Variants in PTPRD observed in about 807,000 individuals in gnomAD.
The protein encoded by PTPRD is receptor-type tyrosine-protein phosphatase delta.
In PTPRD, 34 loss-of-function variants were observed where a neutral mutation model predicts 214.5. The ratio of observed to expected loss-of-function variants is 0.16; its 90% CI spans 0.12 to 0.21. PTPRD has a LOEUF of 0.21. Ranked by LOEUF, PTPRD falls within the 10% of genes least tolerant of loss-of-function variation. PTPRD has a pLI of 1.00. For missense variants in PTPRD, 2,545 were observed against 2,398.7 expected, an observed-to-expected ratio of 1.06 and a Z score of -1.27; for synonymous variants, 1,128 against 845.7, an observed-to-expected ratio of 1.33 and a Z score of -5.79.
intron 39 of PTPRD, among the ~76,000 whole-genome samples, chr9:8,365,478 T>A (rs2079586908): frequency 6.6e-6 from 1 of 152,106 alleles, no homozygotes; most frequent in Non-Finnish European, 1.5e-5. Flanking sequence ...AACCCTGTAT[T>A]TTGGGGTCAG....
chr9:9,898,011 G>C (rs941218272), intron 5 of PTPRD, among the ~76,000 whole-genome samples: 1 of 152,012 alleles, frequency 6.6e-6, no homozygotes, highest in Non-Finnish European at 1.5e-5. Context: ...AAAACAGGTG[G>C]CTTTGGTGCA....
chr9:9,426,133 G>T (rs908683959), intron 8 of PTPRD, among the ~76,000 whole-genome samples: 1 of 152,202 alleles, frequency 6.6e-6, no homozygotes, highest in Non-Finnish European at 1.5e-5. Context: ...GGAAGCACAA[G>T]GGGTTGGGGA....
rs1005955397 is a variant in PTPRD at position 10,261,437 on chromosome 9, T to C, written c.-545+79526A>G. Reference sequence around the variant, plus strand: ...GAAATTAGGACATTAAAATCAGACATAGATACAGACAAAGAAAGATACATT... The same window carrying C: ...GAAATTAGGACATTAAAATCAGACACAGATACAGACAAAGAAAGATACATT... On this transcript the variant is annotated intron_variant, in intron 3 of 45. Coordinates refer to ENST00000381196, the MANE Select transcript of PTPRD (RefSeq NM_002839.4). Among the ~76,000 whole-genome samples, 5 of 152,142 alleles carry C rather than the reference T, an allele frequency of 3.3e-5. No individual in the cohort carries two copies. In the South Asian group the frequency reaches 6.2e-4, roughly 19 times the overall value.
At chr9:9,315,833 C>CTTTTTTTTTTTT (rs566821610) in intron 9 of PTPRD, among the ~76,000 whole-genome samples, 3 of 93,314 alleles carry the variant, frequency 3.2e-5, no homozygotes, top group East Asian at 3.1e-4. Context: ...TAGCAGACAA[C>CTTTTTTTTTTTT]TTTTTTTTTT....
chr9:9,144,142 T>C (rs984935172), intron 10 of PTPRD, among the ~76,000 whole-genome samples: 1 of 152,184 alleles, frequency 6.6e-6, no homozygotes, highest in Non-Finnish European at 1.5e-5. Flanking sequence ...AAAAGTTAAA[T>C]AAAGTGAAGT....
chr9:10,189,255 A>G (rs1044433435), intron 3 of PTPRD, among the ~76,000 whole-genome samples: 2 of 152,132 alleles, frequency 1.3e-5, no homozygotes, highest in African/African-American at 4.8e-5. Context: ...CCCTGCTGCC[A>G]CTTTTAGGGT....
At position 9,016,842 on chromosome 9, in the gene PTPRD, G is replaced by A. The variant is rs72692853; in HGVS notation, c.-104+1855C>T. ...AATGACAACTTGCTCAAATACCGTA[G>A]CAATCCTGTCACTAGGCAGTATTCT... On this transcript the variant is annotated intron_variant, in intron 11 of 45. Transcript: ENST00000381196. Among the ~76,000 whole-genome samples the A allele has an allele frequency of 4.6e-3, 693 of 152,190 alleles. 2 individuals carry two copies. Among genetic ancestry groups the A allele is most frequent in the Middle Eastern group, 0.014 (4 of 294 alleles).
intron 11 of PTPRD, among the ~76,000 whole-genome samples, chr9:8,824,564 A>G (rs1229186149): frequency 1.3e-5 from 2 of 151,010 alleles, no homozygotes; most frequent in East Asian, 1.9e-4. Context: ...TACAAAGAGT[A>G]TAACAGTAAT....
chr9:10,594,568 C>T (rs533235688), intron 2 of PTPRD, among the ~76,000 whole-genome samples: 1 of 152,080 alleles, frequency 6.6e-6, no homozygotes, highest in Non-Finnish European at 1.5e-5. Context: ...TGCTACATTT[C>T]TCAAACAACC....
intron 12 of PTPRD, among the ~76,000 whole-genome samples, chr9:8,667,471 T>C (rs1271015751): frequency 2.6e-5 from 4 of 152,208 alleles, no homozygotes; most frequent in South Asian, 2.1e-4. Context: ...TCCAAAATGT[T>C]TCAAAATCCA....
chr9:9,087,940 G>T lies in PTPRD; in HGVS notation c.-142-69205C>A, dbSNP rs113657204. ...CTCACTCTGTTGCCTAGGCTAGAGTGCAGTGGCATTAGCTCACTGAAACCT... is the reference window on the plus strand; with the variant it reads ...CTCACTCTGTTGCCTAGGCTAGAGTTCAGTGGCATTAGCTCACTGAAACCT... On this transcript the variant is annotated intron_variant, in intron 10 of 45. Coordinates refer to ENST00000381196, the MANE Select transcript of PTPRD (RefSeq NM_002839.4). 3.8e-3 allele frequency among the ~76,000 whole-genome samples: 470 copies of T among 122,928 alleles called. 2 individuals carry two copies. The highest frequency in any genetic ancestry group is 0.014 in the African/African-American group (442 of 31,566). 80.6% of individuals were successfully genotyped at this position (122,928 alleles called of 152,430 possible).
chr9:8,776,791 T>TTA (rs1169035904), intron 11 of PTPRD, among the ~76,000 whole-genome samples: 3 of 147,570 alleles, frequency 2.0e-5, no homozygotes, highest in Non-Finnish European at 3.0e-5. Flanking sequence ...AAAATATGTA[T>TTA]TATATATATA....
At chr9:8,671,490 A>G (rs1275787300) in intron 12 of PTPRD, among the ~76,000 whole-genome samples, 1 of 152,190 alleles carries the variant, frequency 6.6e-6, no homozygotes, top group Non-Finnish European at 1.5e-5. Context: ...CTGTAAGTAT[A>G]CTTTTAAAAC....
intron 5 of PTPRD, among the ~76,000 whole-genome samples, chr9:9,790,789 T>C (rs1353958943): frequency 6.6e-6 from 1 of 152,192 alleles, no homozygotes; most frequent in Non-Finnish European, 1.5e-5. Flanking sequence ...ACTTGTAATG[T>C]GTTTCAGTAG....
chr9:9,365,467 T>C (rs149960252), intron 9 of PTPRD, among the ~76,000 whole-genome samples: 39 of 151,694 alleles, frequency 2.6e-4, no homozygotes, highest in Middle Eastern at 6.8e-3. Context: ...GTTTAACTCA[T>C]GAATTCCCTA....
chr9:8,374,689 A>C (rs1450748654), intron 39 of PTPRD, among the ~76,000 whole-genome samples: 1 of 152,000 alleles, frequency 6.6e-6, no homozygotes. Context: ...AAACAAAATA[A>C]AGCATAGGGG....
chr9:10,578,341 C>A (rs1056886239), intron 2 of PTPRD, among the ~76,000 whole-genome samples: 1 of 151,986 alleles, frequency 6.6e-6, no homozygotes. Flanking sequence ...TATACAGAAC[C>A]AGTAAAATTC....
chr9:9,438,769 T>G (rs1569568337), intron 8 of PTPRD, among the ~76,000 whole-genome samples: 1 of 152,186 alleles, frequency 6.6e-6, no homozygotes, highest in Non-Finnish European at 1.5e-5. Flanking sequence ...AGCATCAACA[T>G]TCTAGTGTTA....
At chr9:8,824,506 T>A (rs139781916) in intron 11 of PTPRD, among the ~76,000 whole-genome samples, 101 of 152,340 alleles carry the variant, frequency 6.6e-4, no homozygotes, top group African/African-American at 2.3e-3. Context: ...TCTGTAAGAT[T>A]AGTTAACTGT....
Sources: allele counts gnomAD v4.1 joint callset (sites outside exome capture counted in the v4.1 genomes callset), GRCh38; gene constraint gnomAD v4.1.1; transcripts MANE v1.5; gene names NCBI Gene and HGNC (gene_info 2026-07-23, HGNC 2026-07-21).